The following SPICE1 variants were observed in gnomAD, a reference collection of about 807,000 sequenced individuals.
The protein encoded by SPICE1 is spindle and centriole-associated protein 1.
SPICE1 carries 75 observed loss-of-function variants against 102.7 expected under a neutral mutation model. The ratio of observed to expected loss-of-function variants is 0.73; its 90% CI spans 0.61 to 0.88. The LOEUF (loss-of-function observed/expected upper bound fraction) is 0.88, where lower values mean the gene tolerates loss of function less well. SPICE1 is among the 40% of genes least tolerant of loss of function. The probability of loss-of-function intolerance (pLI) is 0.00; values close to 1 mark genes in which losing one functional copy is unlikely to be tolerated. For synonymous variants in SPICE1, 308 were observed against 350.3 expected (o/e 0.88, Z 1.35); for missense variants, 979 against 1,020.1 (o/e 0.96, Z 0.55).
intron 4 of SPICE1, 159 bp downstream of exon 4, chr3:113,499,280 G>C: frequency 1.4e-6 from 1 of 696,892 alleles, no homozygotes; most frequent in Non-Finnish European, 2.2e-6. Flanking sequence ...CCAGACTCCA[G>C]TCACCACTCT....
chr3:113,496,044 A>C (rs1429507883), intron 4 of SPICE1, among the ~76,000 whole-genome samples: 2 of 124,124 alleles, frequency 1.6e-5, no homozygotes, highest in African/African-American at 2.9e-5. Flanking sequence ...ACATTATGAG[A>C]TTTTTTTTTT....
intron 7 of SPICE1, among the ~76,000 whole-genome samples, chr3:113,482,408 T>C (rs1159008065): frequency 6.6e-6 from 1 of 152,208 alleles, no homozygotes; most frequent in Non-Finnish European, 1.5e-5. Context: ...AGCTCTTTAG[T>C]TTAATTAGAT....
At chr3:113,452,217 C>T (rs1245141766) in intron 14 of SPICE1, among the ~76,000 whole-genome samples, 1 of 152,188 alleles carries the variant, frequency 6.6e-6, no homozygotes, top group African/African-American at 2.4e-5. Context: ...CTATAAAATG[C>T]AGACCTTTGC....
At chr3:113,506,677 A>G (rs1937119683) in intron 1 of SPICE1, 72 bp from the exon 2 acceptor site, 1 of 1,180,838 alleles carries the variant, frequency 8.5e-7, no homozygotes, top group Non-Finnish European at 1.2e-6. Context: ...GTGGGGGAAG[A>G]CACCTGAAAA....
intron 1 of SPICE1, chr3:113,514,336 G>C (rs1388034683): frequency 8.5e-6 from 2 of 234,872 alleles, no homozygotes; most frequent in African/African-American, 5.2e-5. Flanking sequence ...AGAGAAACAA[G>C]AACTCTTTCC....
chr3:113,502,917 T>C (rs1937037155), intron 3 of SPICE1, among the ~76,000 whole-genome samples: 1 of 151,570 alleles, frequency 6.6e-6, no homozygotes, highest in South Asian at 2.1e-4. Context: ...GATAGATAGA[T>C]ATATATCAGG....
At chr3:113,464,974 T>C (rs1936018191) in intron 11 of SPICE1, among the ~76,000 whole-genome samples, 1 of 151,826 alleles carries the variant, frequency 6.6e-6, no homozygotes, top group Non-Finnish European at 1.5e-5. Flanking sequence ...GGTATGGTGG[T>C]GTGCACCTGT....
Position 113,468,845 on chromosome 3 carries a change from T to C in SPICE1, c.806A>G (p.Glu269Gly). 1 of 1,614,170 alleles carries C rather than the reference T, an allele frequency of 6.2e-7. No individual in the cohort carries two copies. The highest frequency in any genetic ancestry group is 8.5e-7 in the Non-Finnish European group (1 of 1,180,014). ...TGAGTCTAGAGTCTCAGTAGATTCTTCAGGCTGAAGCCTGGTTTGGAGTCT... is the reference window on the plus strand; with the variant it reads ...TGAGTCTAGAGTCTCAGTAGATTCTCCAGGCTGAAGCCTGGTTTGGAGTCT... ...VKRLQTRLQP[E>G]ESTETLDSSY... Residue 269 changes from glutamate to glycine, a missense_variant, in exon 9 of 18, where the codon GAA becomes GGA. Glu to Gly is a moderately conservative substitution (Grantham distance 98). Transcript: ENST00000295872.
chr3:113,474,052 C>T (rs1234746188), intron 7 of SPICE1, among the ~76,000 whole-genome samples: 2 of 151,814 alleles, frequency 1.3e-5, no homozygotes, highest in African/African-American at 4.8e-5. Context: ...ATCTCACGTG[C>T]AGAGACACAC....
chr3:113,486,859 GGA>G (rs1411878355), intron 7 of SPICE1, among the ~76,000 whole-genome samples: 1 of 116,264 alleles, frequency 8.6e-6, no homozygotes, highest in Non-Finnish European at 1.7e-5. Flanking sequence ...GAGAAAATAA[GGA>G]GATATATATA....
chr3:113,504,558 C>A (rs1206090479), intron 2 of SPICE1, among the ~76,000 whole-genome samples: 2 of 87,638 alleles, frequency 2.3e-5, no homozygotes, highest in East Asian at 3.2e-4. Context: ...GGCAACATAG[C>A]AAGACCTTGT....
rs1024285174 is a variant in SPICE1 at position 113,468,197 on chromosome 3, G to C, written c.1097C>G (p.Thr366Arg). The C allele has an allele frequency of 1.2e-6, 2 of 1,614,176 alleles. No homozygotes were observed. Among genetic ancestry groups the C allele is most frequent in the Admixed American group, 1.7e-5 (1 of 60,022 alleles). ...GCTCACCAGCGACAAAGTGAAGCCT[G>C]TAAGACCCTGACTGCTCTGCAGACC... is the stretch of plus-strand genomic sequence containing the variant. ...VKGLQSSQGL[T>R]GFTLSLVSSL... The change falls in exon 10 of 18, where the codon ACA (threonine) becomes AGA (arginine). Residue 366 changes from threonine to arginine, a missense_variant. Thr to Arg is a moderately conservative substitution (Grantham distance 71). Coordinates refer to ENST00000295872, the MANE Select transcript of SPICE1 (RefSeq NM_144718.4).
intron 16 of SPICE1, among the ~76,000 whole-genome samples, chr3:113,447,598 T>C (rs886606809): frequency 2.0e-5 from 3 of 152,088 alleles, no homozygotes; most frequent in East Asian, 3.9e-4. Flanking sequence ...CACAGTACAA[T>C]AGTAAGGATG....
chr3:113,499,144 T>C (rs1184498899), intron 4 of SPICE1: 1 of 218,330 alleles, frequency 4.6e-6, no homozygotes, highest in Non-Finnish European at 9.1e-6. Flanking sequence ...ATTATATCAC[T>C]GAAATCTCAT....
chr3:113,503,710 A>G (rs1014952092), intron 2 of SPICE1, among the ~76,000 whole-genome samples: 3 of 152,226 alleles, frequency 2.0e-5, no homozygotes, highest in East Asian at 3.9e-4. Context: ...AGGTGGGTGG[A>G]CCACCTGAGC....
At chr3:113,501,680 T>C (rs1215327531) in intron 3 of SPICE1, among the ~76,000 whole-genome samples, 2 of 152,204 alleles carry the variant, frequency 1.3e-5, no homozygotes, top group Admixed American at 1.3e-4. Context: ...ACATCCTTTA[T>C]CAATTAGGGA....
chr3:113,471,278 C>T (rs933728891), intron 7 of SPICE1, among the ~76,000 whole-genome samples: 4 of 152,024 alleles, frequency 2.6e-5, no homozygotes, highest in African/African-American at 9.7e-5. Flanking sequence ...CTTGGGTAGG[C>T]CCTAAATGCA....
intron 11 of SPICE1, among the ~76,000 whole-genome samples, chr3:113,461,189 T>C (rs969277149): frequency 8.6e-5 from 13 of 151,938 alleles, no homozygotes; most frequent in South Asian, 2.1e-4. Context: ...CTGGTAAACA[T>C]GAACAGCACA....
intron 11 of SPICE1, among the ~76,000 whole-genome samples, chr3:113,464,801 G>A (rs1936014474): frequency 6.6e-6 from 1 of 152,102 alleles, no homozygotes; most frequent in South Asian, 2.1e-4. Flanking sequence ...CCAATATCCA[G>A]ACAGTATCAG....
Sources: allele counts gnomAD v4.1 joint callset (sites outside exome capture counted in the v4.1 genomes callset), GRCh38; gene constraint gnomAD v4.1.1; transcripts MANE v1.5; gene names NCBI Gene and HGNC (gene_info 2026-07-23, HGNC 2026-07-21).